The following RAPGEF2 variants were observed in gnomAD, a reference collection of about 807,000 sequenced individuals.
RAPGEF2 encodes PDZ domain containing guanine nucleotide exchange factor (GEF) 1.
In RAPGEF2, 54 loss-of-function variants were observed where a neutral mutation model predicts 186.7. The ratio of observed to expected loss-of-function variants is 0.29; its 90% CI spans 0.23 to 0.36. The LOEUF is 0.36. RAPGEF2 is among the 10% of genes least tolerant of loss of function. RAPGEF2 has a pLI of 1.00. For missense variants in RAPGEF2, 1,532 were observed against 2,045.0 expected (o/e 0.75, Z 4.84); for synonymous variants, 712 against 705.9 (o/e 1.01, Z -0.14).
chr4:159,208,339 C>T (rs1750176326), intron 3 of RAPGEF2, among the ~76,000 whole-genome samples: 2 of 152,198 alleles, frequency 1.3e-5, no homozygotes, highest in African/African-American at 4.8e-5. Flanking sequence ...GCTGAAGACT[C>T]CCTTGCAACG....
chr4:159,324,772 A>T lies in RAPGEF2; in HGVS notation c.1149+1155A>T, dbSNP rs1227423165. Reference sequence around the variant, plus strand: ...TAATAATTGACTAGAGAAAATACTAAGGCCAAATGTGAAACTAGATTGATT... The same window carrying T: ...TAATAATTGACTAGAGAAAATACTATGGCCAAATGTGAAACTAGATTGATT... On this transcript the variant is annotated intron_variant, in intron 11 of 29. Coordinates refer to ENST00000691494, the MANE Select transcript of RAPGEF2 (RefSeq NM_001394067.2). 2.0e-5 allele frequency among the ~76,000 whole-genome samples: 3 copies of T among 152,188 alleles called. No individual in the cohort carries two copies. The East Asian group carries it at 5.8e-4, about 29-fold the overall frequency.
chr4:159,233,735 G>A (rs1752908783), intron 4 of RAPGEF2, among the ~76,000 whole-genome samples: 1 of 151,730 alleles, frequency 6.6e-6, no homozygotes, highest in South Asian at 2.1e-4. Context: ...ATGTAACCAA[G>A]TGCCACCTAT....
At chr4:159,184,769 G>T (rs967945389) in intron 1 of RAPGEF2, among the ~76,000 whole-genome samples, 2 of 152,084 alleles carry the variant, frequency 1.3e-5, no homozygotes, top group African/African-American at 4.8e-5. Context: ...TGTCAATTCT[G>T]GCTTTTGTTG....
At chr4:159,217,480 A>G (rs749980692) in intron 4 of RAPGEF2, among the ~76,000 whole-genome samples, 2 of 152,154 alleles carry the variant, frequency 1.3e-5, no homozygotes, top group East Asian at 3.9e-4. Flanking sequence ...GCTGCATAGG[A>G]CATGATTCCA....
chr4:159,177,990 T>C (rs995243641), intron 1 of RAPGEF2, among the ~76,000 whole-genome samples: 2 of 152,190 alleles, frequency 1.3e-5, no homozygotes, highest in African/African-American at 2.4e-5. Flanking sequence ...CTCTTCCTCC[T>C]TATGTTTAAG....
intron 1 of RAPGEF2, among the ~76,000 whole-genome samples, chr4:159,152,657 A>G (rs1743681627): frequency 6.6e-6 from 1 of 151,984 alleles, no homozygotes; most frequent in Non-Finnish European, 1.5e-5. Context: ...TCGCTCTGTC[A>G]CCCAGGCTGG....
intron 8 of RAPGEF2, among the ~76,000 whole-genome samples, chr4:159,306,261 G>A (rs1373793123): frequency 6.6e-6 from 1 of 151,904 alleles, no homozygotes; most frequent in Non-Finnish European, 1.5e-5. Context: ...CAATCCATGA[G>A]CATGGGATGT....
chr4:159,210,662 C>A (rs1255603763), intron 4 of RAPGEF2, 79 bp downstream of exon 4: 6 of 1,118,132 alleles, frequency 5.4e-6, no homozygotes, highest in Non-Finnish European at 6.4e-6. Context: ...AAATTCTTTT[C>A]TCTTCCTGTG....
At chr4:159,338,755 A>G (rs756228057) in intron 18 of RAPGEF2, among the ~76,000 whole-genome samples, 1 of 152,238 alleles carries the variant, frequency 6.6e-6, no homozygotes, top group Non-Finnish European at 1.5e-5. Context: ...AATCATATCA[A>G]ATAGATAGAG....
intron 1 of RAPGEF2, among the ~76,000 whole-genome samples, chr4:159,140,531 A>G (rs1249697336): frequency 6.6e-6 from 1 of 152,192 alleles, no homozygotes; most frequent in Non-Finnish European, 1.5e-5. Flanking sequence ...TTTAAATGTT[A>G]CAAGTATCAG....
chr4:159,182,549 C>T (rs1747134855), intron 1 of RAPGEF2, among the ~76,000 whole-genome samples: 1 of 152,046 alleles, frequency 6.6e-6, no homozygotes, highest in African/African-American at 2.4e-5. Flanking sequence ...GCATATGCCA[C>T]AACACCCAGC....
At chr4:159,213,374 A>T (rs6855384) in intron 4 of RAPGEF2, among the ~76,000 whole-genome samples, 1 of 152,040 alleles carries the variant, frequency 6.6e-6, no homozygotes, top group Non-Finnish European at 1.5e-5. Flanking sequence ...CTTCACCCCA[A>T]GTTTTTATCA....
intron 1 of RAPGEF2, among the ~76,000 whole-genome samples, chr4:159,118,495 C>G (rs1030476273): frequency 2.0e-5 from 3 of 151,856 alleles, no homozygotes; most frequent in African/African-American, 7.3e-5. Context: ...CACCCCCCCG[C>G]CCAACCCTGT....
intron 7 of RAPGEF2, among the ~76,000 whole-genome samples, chr4:159,293,009 T>C (rs1761436183): frequency 6.6e-6 from 1 of 152,216 alleles, no homozygotes; most frequent in Admixed American, 6.5e-5. Context: ...CCTAGTGATA[T>C]GCTAGATTTA....
chr4:159,353,043 AT>A lies in RAPGEF2; in HGVS notation c.4091+137del, dbSNP rs1245703474. On this transcript the variant is annotated intron_variant, in intron 27 of 29. Transcript: ENST00000691494. The surrounding 1 kb of genome is among the most constrained non-coding windows in gnomAD (Gnocchi z 4.3). ...GAATTTTTCTGCCATCCCAGTTCTG[AT>A]TTTCACAATTTCTACACTAAGTATC... 13 of 836,978 alleles carry A rather than the reference AT, an allele frequency of 1.6e-5. No individual in the cohort carries two copies. In the African/African-American group the frequency reaches 2.3e-4, roughly 14 times the overall value. 51.8% of individuals were successfully genotyped at this position (836,978 alleles called of 1,614,324 possible).
chr4:159,247,313 C>A (rs1177223714), intron 7 of RAPGEF2, among the ~76,000 whole-genome samples: 1 of 152,164 alleles, frequency 6.6e-6, no homozygotes, highest in Admixed American at 6.5e-5. Context: ...TTTGCCCTTA[C>A]AATCTCACAG....
At chr4:159,315,036 CA>C (rs11353791) in intron 9 of RAPGEF2, among the ~76,000 whole-genome samples, 75,441 of 145,206 alleles carry the variant, frequency 0.52, 19,408 homozygotes, top group Non-Finnish European at 0.57. Flanking sequence ...TAGTTTATGA[CA>C]AAAAAAAAAA....
At chr4:159,247,755 CTTTTTTTTTT>C (rs56053207) in intron 7 of RAPGEF2, among the ~76,000 whole-genome samples, 9 of 83,460 alleles carry the variant, frequency 1.1e-4, no homozygotes, top group South Asian at 9.9e-4. Flanking sequence ...TAATTTGTTT[CTTTTTTTTTT>C]TTTTTTTTTT....
intron 1 of RAPGEF2, among the ~76,000 whole-genome samples, chr4:159,140,854 C>T (rs992178715): frequency 6.7e-5 from 10 of 149,146 alleles, no homozygotes; most frequent in Non-Finnish European, 1.2e-4. Flanking sequence ...TTTTTTGAGA[C>T]GGAGTCTCAC....
Sources: gnomAD v4.1 joint callset for allele counts (sites outside exome capture counted in the v4.1 genomes callset) on GRCh38, gnomAD v4.1.1 for gene constraint, Gnocchi (gnomAD v3.1) non-coding constraint, MANE v1.5 for transcripts, NCBI Gene and HGNC (gene_info 2026-07-23, HGNC 2026-07-21) for gene names.